MIPEP: variants seen among roughly 807,000 people sequenced by gnomAD.
The protein encoded by MIPEP is mitochondrial intermediate peptidase.
In MIPEP, 79 loss-of-function variants were observed where a neutral mutation model predicts 90.3. That is an observed-to-expected ratio of 0.87 (90% CI 0.73 to 1.05). MIPEP has a LOEUF of 1.05. MIPEP is among the 50% of genes least tolerant of loss of function. MIPEP has a pLI of 0.00. For missense variants in MIPEP, 940 were observed against 905.6 expected (o/e 1.04, Z -0.49); for synonymous variants, 334 against 315.8 (o/e 1.06, Z -0.61).
At chr13:23,843,565 AAT>A (rs1869402735) in intron 10 of MIPEP, among the ~76,000 whole-genome samples, 1 of 152,258 alleles carries the variant, frequency 6.6e-6, no homozygotes, top group Non-Finnish European at 1.5e-5. Context: ...TAGAATTTCT[AAT>A]ATTTTATGAC....
At chr13:23,777,336 T>A (rs1213094727) in intron 16 of MIPEP, among the ~76,000 whole-genome samples, 1 of 152,202 alleles carries the variant, frequency 6.6e-6, no homozygotes, top group African/African-American at 2.4e-5. Flanking sequence ...CTGGTTATCA[T>A]CTAAACAGAA....
At chr13:23,748,582 C>A (rs1415543689) in intron 18 of MIPEP, among the ~76,000 whole-genome samples, 1 of 152,242 alleles carries the variant, frequency 6.6e-6, no homozygotes, top group African/African-American at 2.4e-5. Flanking sequence ...TGATTTACTT[C>A]CAACAGCAAA....
At chr13:23,733,417 A>G (rs1208579513) in intron 18 of MIPEP, among the ~76,000 whole-genome samples, 1 of 152,240 alleles carries the variant, frequency 6.6e-6, no homozygotes, top group African/African-American at 2.4e-5. Context: ...GAGAGGTCCC[A>G]GGGCTCTGAA....
chr13:23,815,155 G>A (rs1231091170), intron 14 of MIPEP, among the ~76,000 whole-genome samples: 5 of 152,066 alleles, frequency 3.3e-5, no homozygotes, highest in Admixed American at 2.6e-4. Flanking sequence ...TGACTTTGAC[G>A]AACTTTATTT....
intron 10 of MIPEP, among the ~76,000 whole-genome samples, chr13:23,846,703 T>A (rs1869556940): frequency 6.6e-6 from 1 of 152,344 alleles, no homozygotes; most frequent in Non-Finnish European, 1.5e-5. Flanking sequence ...TGTGGTGTCA[T>A]GTTGGCACTC....
intron 15 of MIPEP, 131 bp from the exon 16 acceptor site, chr13:23,806,200 C>G (rs1318409784): frequency 1.1e-6 from 1 of 913,770 alleles, no homozygotes; most frequent in African/African-American, 1.7e-5. Context: ...CAAAAATAAA[C>G]TTACATGGTT....
At chr13:23,838,575 T>A (rs184491299) in intron 12 of MIPEP, among the ~76,000 whole-genome samples, 104 of 152,346 alleles carry the variant, frequency 6.8e-4, no homozygotes, top group Non-Finnish European at 1.1e-3. Flanking sequence ...TCACTTATTC[T>A]CCACAACAAC....
chr13:23,814,320 A>T (rs1359265731), intron 14 of MIPEP, among the ~76,000 whole-genome samples: 1 of 152,124 alleles, frequency 6.6e-6, no homozygotes, highest in Non-Finnish European at 1.5e-5. Flanking sequence ...GCAGTGGCAC[A>T]ATCTCGGCCC....
chr13:23,834,598 C>G (rs1868939834), intron 14 of MIPEP, among the ~76,000 whole-genome samples: 1 of 152,234 alleles, frequency 6.6e-6, no homozygotes, highest in Non-Finnish European at 1.5e-5. Flanking sequence ...CCTCTCTGTC[C>G]TATGTCCTCA....
chr13:23,780,622 G>A (rs1372826713), intron 16 of MIPEP, among the ~76,000 whole-genome samples: 1 of 152,224 alleles, frequency 6.6e-6, no homozygotes, highest in Non-Finnish European at 1.5e-5. Context: ...TTGATGAGTT[G>A]AGAGAAGAAG....
At chr13:23,752,877 G>A (rs530982053) in intron 18 of MIPEP, among the ~76,000 whole-genome samples, 19 of 152,152 alleles carry the variant, frequency 1.2e-4, no homozygotes, top group African/African-American at 3.1e-4. Context: ...ACTGCCACAC[G>A]TCTGTACACA....
intron 10 of MIPEP, 128 bp from the exon 11 acceptor site, chr13:23,841,616 A>G (rs1032929448): frequency 4.8e-5 from 48 of 1,009,424 alleles, no homozygotes; most frequent in Non-Finnish European, 6.2e-5. Flanking sequence ...ATAAAAGTGT[A>G]TTTATATCAT....
chr13:23,763,279 G>A (rs760743025), intron 16 of MIPEP, among the ~76,000 whole-genome samples: 5 of 152,140 alleles, frequency 3.3e-5, no homozygotes, highest in Admixed American at 1.3e-4. Context: ...GGATGTGAGG[G>A]TATCTTCTGT....
chr13:23,852,180 G>A (rs1869825282), intron 10 of MIPEP, among the ~76,000 whole-genome samples: 1 of 152,190 alleles, frequency 6.6e-6, no homozygotes, highest in Non-Finnish European at 1.5e-5. Context: ...CCAAGAGAAT[G>A]TGGAGGCTTT....
chr13:23,760,253 G>A (rs746620137), intron 16 of MIPEP, 36 bp from the exon 17 acceptor site: 2 of 1,613,570 alleles, frequency 1.2e-6, no homozygotes, highest in South Asian at 1.1e-5. Context: ...CGGGACACAA[G>A]TCAGTTTCCA....
intron 5 of MIPEP, among the ~76,000 whole-genome samples, chr13:23,872,996 C>G (rs1870897307): frequency 6.6e-6 from 1 of 152,136 alleles, no homozygotes; most frequent in South Asian, 2.1e-4. Flanking sequence ...CTTTGTAAGC[C>G]TAGAAGTTAG....
At position 23,870,160 on chromosome 13, in the gene MIPEP, C is replaced by G. The variant is rs1397540863; in HGVS notation, c.639G>C (p.Leu213Phe). ...KRAVDLNVKI[L>F]DLSSTFLMGT... ...CCATAAGAAATGTACTACTCAAATC[C>G]AAGATTTTAACATTGAGGTCCACTG... Residue 213 changes from leucine to phenylalanine, a missense_variant, in exon 6 of 19, where the codon TTG becomes TTC. Coordinates refer to ENST00000382172, the MANE Select transcript of MIPEP (RefSeq NM_005932.4). The G allele has an allele frequency of 6.2e-7, 1 of 1,607,190 alleles. No homozygotes were observed. The highest frequency in any genetic ancestry group is 8.5e-7 in the Non-Finnish European group (1 of 1,176,692).
At chr13:23,762,375 C>T in intron 16 of MIPEP, among the ~76,000 whole-genome samples, 1 of 152,186 alleles carries the variant, frequency 6.6e-6, no homozygotes, top group Non-Finnish European at 1.5e-5. Context: ...CCTGTATTCA[C>T]TACACAGTGG....
intron 14 of MIPEP, among the ~76,000 whole-genome samples, chr13:23,828,642 T>C (rs1868587254): frequency 6.6e-6 from 1 of 152,182 alleles, no homozygotes; most frequent in Non-Finnish European, 1.5e-5. Context: ...ATTTTAAAAC[T>C]GTATTCAAAG....
Sources: allele counts gnomAD v4.1 joint callset (sites outside exome capture counted in the v4.1 genomes callset), GRCh38; gene constraint gnomAD v4.1.1; transcripts MANE v1.5; gene names NCBI Gene and HGNC (gene_info 2026-07-23, HGNC 2026-07-21).